The following ARHGEF3 variants were observed in gnomAD, a reference collection of about 807,000 sequenced individuals.
The protein encoded by ARHGEF3 is Rho guanine nucleotide exchange factor 3.
In ARHGEF3, 28 loss-of-function variants were observed where a neutral mutation model predicts 63.2. The ratio of observed to expected loss-of-function variants is 0.44; its 90% CI spans 0.33 to 0.61. The LOEUF is 0.61. Among genes scored for constraint, ARHGEF3 ranks in the 20% least tolerant of loss-of-function variants. The pLI is 0.03. For synonymous variants in ARHGEF3, 266 were observed against 254.2 expected (o/e 1.05, Z -0.44); for missense variants, 533 against 659.3 (o/e 0.81, Z 2.10).
chr3:56,801,955 C>A, upstream of ARHGEF3: 1 of 1,530,766 alleles, frequency 6.5e-7, no homozygotes, highest in Non-Finnish European at 8.7e-7. Flanking sequence ...CGACTGGGCT[C>A]CGGAGCCGAG....
intron 4 of ARHGEF3, among the ~76,000 whole-genome samples, chr3:56,862,860 G>A (rs1260118417): frequency 2.0e-5 from 3 of 152,060 alleles, no homozygotes; most frequent in African/African-American, 7.2e-5. Context: ...TTTAGGCTGT[G>A]TACCCTGGGC....
intron 3 of ARHGEF3, among the ~76,000 whole-genome samples, chr3:56,929,073 A>C (rs565621769): frequency 2.6e-5 from 4 of 152,208 alleles, no homozygotes; most frequent in Non-Finnish European, 5.9e-5. Flanking sequence ...CATCCTCTGC[A>C]TTAAAGAGAG....
At chr3:57,017,005 G>GTTTCTCTCTCTCTC (rs756800318) in intron 2 of ARHGEF3, among the ~76,000 whole-genome samples, 1 of 129,058 alleles carries the variant, frequency 7.7e-6, no homozygotes, top group Admixed American at 7.7e-5. Flanking sequence ...CTTTCTCTCT[G>GTTTCTCTCTCTCTC]TCTCTCTCTC....
intron 3 of ARHGEF3, among the ~76,000 whole-genome samples, chr3:56,897,080 T>C (rs2041328289): frequency 6.6e-6 from 1 of 152,258 alleles, no homozygotes; most frequent in Admixed American, 6.5e-5. Context: ...TTATAAGTTA[T>C]TCTTCTACTG....
rs554899693 is a variant in ARHGEF3 at position 56,955,595 on chromosome 3, A to C, written c.129+3228T>G. 4.6e-5 allele frequency among the ~76,000 whole-genome samples: 7 copies of C among 152,358 alleles called. No homozygotes were observed. In the East Asian group the frequency reaches 1.2e-3, roughly 25 times the overall value. Reference sequence around the variant, plus strand: ...CATACATAAATGTGGAAAATTTGCTAGCATAGAGATTCTGAAACCTCCCTT... The same window carrying C: ...CATACATAAATGTGGAAAATTTGCTCGCATAGAGATTCTGAAACCTCCCTT... On this transcript the variant is annotated intron_variant, in intron 3 of 12. Transcript: ENST00000338458.
chr3:56,779,538 G>T (rs1027132233), intron 1 of ARHGEF3, among the ~76,000 whole-genome samples: 4 of 152,032 alleles, frequency 2.6e-5, no homozygotes, highest in Admixed American at 2.0e-4. Context: ...TGTCGCGCAG[G>T]CTGGAGTGCA....
intron 1 of ARHGEF3, among the ~76,000 whole-genome samples, chr3:57,052,821 T>C (rs1343189781): frequency 6.6e-6 from 1 of 150,836 alleles, no homozygotes; most frequent in Non-Finnish European, 1.5e-5. Context: ...CCAGCAGGAG[T>C]ACCCAAGCAG....
chr3:56,841,480 C>T (rs4328779), intron 4 of ARHGEF3, among the ~76,000 whole-genome samples: 145,948 of 152,272 alleles, frequency 0.96, 70,183 homozygotes, highest in East Asian at 1. Flanking sequence ...TTCTCCATCA[C>T]GGCAGTCACT....
chr3:56,762,325 G>A (rs1300410293), intron 2 of ARHGEF3, among the ~76,000 whole-genome samples: 1 of 152,150 alleles, frequency 6.6e-6, no homozygotes, highest in Non-Finnish European at 1.5e-5. Context: ...ATCTGGCCTA[G>A]CAAATGAGTC....
chr3:56,729,197 C>T lies in ARHGEF3; in HGVS notation c.*73G>A. 7.3e-7 allele frequency: 1 copy of T among 1,370,704 alleles called. No individual in the cohort carries two copies. The highest frequency in any genetic ancestry group is 2.3e-5 in the East Asian group (1 of 42,996). 84.9% of individuals were successfully genotyped at this position (1,370,704 alleles called of 1,614,324 possible). On this transcript the variant is annotated 3_prime_UTR_variant, in exon 10 of 10. Coordinates refer to ENST00000296315, the MANE Select transcript of ARHGEF3 (RefSeq NM_019555.3). ...AAGTATGAAAAAGTGCTTCTCCAAA[C>T]CGTTCCATCTGTGGAATGCAAATAC... is the stretch of plus-strand genomic sequence containing the variant.
intron 1 of ARHGEF3, among the ~76,000 whole-genome samples, chr3:57,042,899 A>G (rs999645436): frequency 1.3e-5 from 2 of 150,802 alleles, no homozygotes; most frequent in African/African-American, 2.4e-5. Context: ...AGGTTTCACC[A>G]TGTTAGCCAG....
chr3:56,801,966 T>G (rs758505930), upstream of ARHGEF3: 13 of 1,269,328 alleles, frequency 1.0e-5, no homozygotes, highest in African/African-American at 3.2e-5. Context: ...CGGAGCCGAG[T>G]GGGCGGGACC....
chr3:56,752,326 G>A (rs916272399), intron 4 of ARHGEF3, among the ~76,000 whole-genome samples: 3 of 152,144 alleles, frequency 2.0e-5, no homozygotes, highest in Admixed American at 6.5e-5. Flanking sequence ...CCAAAGTGTC[G>A]GGATTATAGG....
rs573758165 is a variant in ARHGEF3 at position 56,948,950 on chromosome 3, C to G, written c.129+9873G>C. Among the ~76,000 whole-genome samples, 11 of 152,134 alleles carry G rather than the reference C, an allele frequency of 7.2e-5. No homozygotes were observed. The South Asian group carries it at 2.3e-3, about 32-fold the overall frequency. On this transcript the variant is annotated intron_variant, in intron 3 of 12. Coordinates refer to the ARHGEF3 transcript ENST00000338458. ...CCACCATGATCAAGTGGGCTTCATCCCTGGGATGCAAGGCTGGTTCAACAT... is the reference window on the plus strand; with the variant it reads ...CCACCATGATCAAGTGGGCTTCATCGCTGGGATGCAAGGCTGGTTCAACAT...
chr3:56,973,166 G>A (rs1056650768), intron 2 of ARHGEF3, among the ~76,000 whole-genome samples: 10 of 151,954 alleles, frequency 6.6e-5, no homozygotes, highest in South Asian at 2.1e-4. Flanking sequence ...ACAGGCACCC[G>A]CCACCACGCC....
At position 56,882,469 on chromosome 3, in the gene ARHGEF3, T is replaced by C. The variant is rs1193106280; in HGVS notation, c.130-115A>G. Reference sequence around the variant, plus strand: ...GCAATCCTTATCATTTCTACCATGGTACCCAAAACCTTTAACCAAGCTATG... The same window carrying C: ...GCAATCCTTATCATTTCTACCATGGCACCCAAAACCTTTAACCAAGCTATG... On this transcript the variant is annotated intron_variant, in intron 3 of 12. Transcript: ENST00000338458. 1.1e-5 allele frequency: 8 copies of C among 758,318 alleles called. 1 individual carries two copies. The highest frequency in any genetic ancestry group is 8.9e-5 in the East Asian group (3 of 33,630). The allele number at this position is 758,318 out of a possible 1,614,324, so 47.0% of individuals were successfully genotyped here.
intron 2 of ARHGEF3, among the ~76,000 whole-genome samples, chr3:57,015,217 C>T (rs575271702): frequency 6.2e-4 from 95 of 152,256 alleles, no homozygotes; most frequent in Non-Finnish European, 1.1e-3. Flanking sequence ...CACCTGCAGA[C>T]ACATGGTAAC....
At chr3:56,961,351 C>T (rs1700271140) in intron 2 of ARHGEF3, among the ~76,000 whole-genome samples, 1 of 152,120 alleles carries the variant, frequency 6.6e-6, no homozygotes, top group Non-Finnish European at 1.5e-5. Context: ...AGAGGTTAAA[C>T]CACATGCCAG....
intron 8 of ARHGEF3, among the ~76,000 whole-genome samples, chr3:56,735,643 A>G (rs1421889625): frequency 6.6e-6 from 1 of 152,220 alleles, no homozygotes; most frequent in African/African-American, 2.4e-5. Context: ...TCCTAGAAAG[A>G]ACGTTCAAGG....
Sources: gnomAD v4.1 joint callset for allele counts (sites outside exome capture counted in the v4.1 genomes callset) on GRCh38, gnomAD v4.1.1 for gene constraint, MANE v1.5 for transcripts, NCBI Gene and HGNC (gene_info 2026-07-23, HGNC 2026-07-21) for gene names.